Variants in SLC24A2 observed in about 807,000 individuals in gnomAD.
The protein encoded by SLC24A2 is solute carrier family 24 member 2, also known as sodium/potassium/calcium exchanger 2.
SLC24A2 carries 36 observed loss-of-function variants against 62.0 expected under a neutral mutation model. That is an observed-to-expected ratio of 0.58 (90% confidence interval 0.44 to 0.77). The LOEUF is 0.77. Ranked by LOEUF, SLC24A2 falls within the 30% of genes least tolerant of loss-of-function variation. The pLI, the probability that SLC24A2 is intolerant of heterozygous loss-of-function variation, is 0.00. For synonymous variants in SLC24A2, 358 were observed against 294.0 expected (o/e 1.22, Z -2.23); for missense variants, 846 against 817.9 (o/e 1.03, Z -0.42).
the SLC24A2 span, among the ~76,000 whole-genome samples, chr9:19,941,592 A>T: frequency 0.028 from 1,310 of 46,986 alleles, 15 homozygotes; most frequent in Middle Eastern, 0.096. Flanking sequence ...TGTGTGTGTG[A>T]GAGAGAGAGA....
At chr9:19,527,346 T>C (rs1368791197) in intron 9 of SLC24A2, among the ~76,000 whole-genome samples, 2 of 152,186 alleles carry the variant, frequency 1.3e-5, no homozygotes, top group Non-Finnish European at 2.9e-5. Flanking sequence ...TCTTTATCTG[T>C]AAACTGTGGA....
the SLC24A2 span, among the ~76,000 whole-genome samples, chr9:20,127,626 T>C: frequency 6.6e-6 from 1 of 152,126 alleles, no homozygotes; most frequent in Non-Finnish European, 1.5e-5. Flanking sequence ...AGATTTTCAA[T>C]GAGATAACTT....
the SLC24A2 span, among the ~76,000 whole-genome samples, chr9:20,089,569 G>A: frequency 1.3e-5 from 2 of 151,888 alleles, no homozygotes; most frequent in Non-Finnish European, 1.5e-5. Context: ...ATCTTCACCA[G>A]GCAGGGCCCC....
the SLC24A2 span, among the ~76,000 whole-genome samples, chr9:20,136,863 A>G: frequency 6.6e-6 from 1 of 152,102 alleles, no homozygotes; most frequent in Non-Finnish European, 1.5e-5. Context: ...GTCTAAACAC[A>G]TTTTCTCTTA....
the SLC24A2 span, among the ~76,000 whole-genome samples, chr9:20,051,204 A>G: frequency 6.6e-6 from 1 of 152,186 alleles, no homozygotes; most frequent in Non-Finnish European, 1.5e-5. Context: ...TGCTAACGCT[A>G]ATCAAAATAA....
At chr9:19,883,442 G>C in the SLC24A2 span, among the ~76,000 whole-genome samples, 1 of 152,074 alleles carries the variant, frequency 6.6e-6, no homozygotes, top group Non-Finnish European at 1.5e-5. Flanking sequence ...GCATTTTGTA[G>C]GGCAAATAAT....
rs576959779 is a variant in SLC24A2 at position 19,715,607 on chromosome 9, C to T, written c.930+70330G>A. The stretch of plus-strand genomic sequence containing the variant: ...GACCACTCCCTGTAGGCACAGTCAA[C>T]CTGTCCTCATTGTGTTTGAACCCAG... On this transcript the variant is annotated intron_variant, in intron 2 of 10. Transcript: ENST00000341998. 4.6e-5 allele frequency among the ~76,000 whole-genome samples: 7 copies of T among 152,274 alleles called. No individual in the cohort carries two copies. The South Asian group carries it at 1.5e-3, about 32-fold the overall frequency.
At chr9:19,520,118 T>C (rs915002431) in intron 10 of SLC24A2, among the ~76,000 whole-genome samples, 9 of 152,160 alleles carry the variant, frequency 5.9e-5, no homozygotes, top group African/African-American at 2.2e-4. Context: ...ATATTTAAGA[T>C]ATTCAATGAG....
the SLC24A2 span, among the ~76,000 whole-genome samples, chr9:19,997,886 G>C: frequency 6.6e-6 from 1 of 152,096 alleles, no homozygotes; most frequent in East Asian, 1.9e-4. Context: ...AATCAGATTT[G>C]AATCAGAATT....
At chr9:19,767,477 G>A (rs1315625931) in intron 2 of SLC24A2, among the ~76,000 whole-genome samples, 1 of 152,208 alleles carries the variant, frequency 6.6e-6, no homozygotes, top group Non-Finnish European at 1.5e-5. Context: ...TGAAGACCAT[G>A]GGAAAAGGGT....
At chr9:19,965,370 G>A in the SLC24A2 span, among the ~76,000 whole-genome samples, 3 of 152,106 alleles carry the variant, frequency 2.0e-5, no homozygotes, top group Non-Finnish European at 4.4e-5. Flanking sequence ...AGTCTGAGTG[G>A]GTCTTGTGGT....
the SLC24A2 span, among the ~76,000 whole-genome samples, chr9:20,025,012 G>C: frequency 6.6e-6 from 1 of 152,058 alleles, no homozygotes; most frequent in Non-Finnish European, 1.5e-5. Context: ...AAAGCTTTTT[G>C]ATCTCAGCCT....
intron 2 of SLC24A2, among the ~76,000 whole-genome samples, chr9:19,628,451 T>G (rs1818090024): frequency 6.6e-6 from 1 of 152,222 alleles, no homozygotes; most frequent in Admixed American, 6.5e-5. Context: ...GCACCAGTGT[T>G]AATTCACTTA....
rs1348841914 is a variant in SLC24A2 at position 19,787,017 on chromosome 9, A to G, written c.-151T>C. On this transcript the variant is annotated splice_region_variant and 5_prime_UTR_variant, in exon 2 of 11. Coordinates refer to ENST00000341998, the MANE Select transcript of SLC24A2 (RefSeq NM_020344.4). ...GCTTCACAGGAAACTTTCATCATTT[A>G]TGCTTAAATAAAAATAAAAACGAGA... The G allele has an allele frequency of 7.2e-7, 1 of 1,392,042 alleles. No homozygotes were observed. Among genetic ancestry groups the G allele is most frequent in the Non-Finnish European group, 9.3e-7 (1 of 1,076,260 alleles). The allele number at this position is 1,392,042 out of a possible 1,614,324, so 86.2% of individuals were successfully genotyped here. A position where few individuals can be genotyped will look rare whatever the true frequency, so the allele number is the denominator to read the frequency against.
At chr9:19,934,748 C>A in the SLC24A2 span, among the ~76,000 whole-genome samples, 1 of 152,184 alleles carries the variant, frequency 6.6e-6, no homozygotes, top group Non-Finnish European at 1.5e-5. The surrounding 1 kb of genome is among the most constrained non-coding windows in gnomAD (Gnocchi z 4.1). Context: ...AGCTCGGGAA[C>A]TTTCTCTTTT....
chr9:20,200,066 T>C, the SLC24A2 span, among the ~76,000 whole-genome samples: 1 of 151,902 alleles, frequency 6.6e-6, no homozygotes, highest in Non-Finnish European at 1.5e-5. Context: ...AGTCAGATCC[T>C]TCAAATAAGA....
At chr9:20,255,714 A>C in the SLC24A2 span, among the ~76,000 whole-genome samples, 2 of 152,350 alleles carry the variant, frequency 1.3e-5, no homozygotes, top group Non-Finnish European at 2.9e-5. Context: ...TGGTCCTAGA[A>C]AATGGCCCGA....
the SLC24A2 span, among the ~76,000 whole-genome samples, chr9:19,956,734 G>T: frequency 6.6e-6 from 1 of 152,160 alleles, no homozygotes; most frequent in Admixed American, 6.5e-5. Flanking sequence ...CCTCCCACCA[G>T]ATTCCTCCCA....
intron 5 of SLC24A2, among the ~76,000 whole-genome samples, chr9:19,588,515 C>T (rs951559319): frequency 1.3e-5 from 2 of 152,102 alleles, no homozygotes; most frequent in African/African-American, 4.8e-5. Context: ...GGTCAAATAC[C>T]TCTACCATAA....
Sources: allele counts gnomAD v4.1 joint callset (sites outside exome capture counted in the v4.1 genomes callset), GRCh38; gene constraint gnomAD v4.1.1; non-coding constraint Gnocchi (gnomAD v3.1); transcripts MANE v1.5; gene names NCBI Gene and HGNC (gene_info 2026-07-23, HGNC 2026-07-21).